SYN2: variants seen among roughly 807,000 people sequenced by gnomAD.
SYN2 encodes synapsin II.
A neutral mutation model predicts 50.9 loss-of-function variants in SYN2; 19 were observed. The observed-to-expected ratio is 0.37, with a 90% CI of 0.26 to 0.55. The LOEUF (loss-of-function observed/expected upper bound fraction) is 0.55, where lower values mean the gene tolerates loss of function less well. Ranked by LOEUF, SYN2 falls within the 20% of genes least tolerant of loss-of-function variation. The probability of loss-of-function intolerance (pLI) is 0.81; values close to 1 mark genes in which losing one functional copy is unlikely to be tolerated. For missense variants in SYN2, 587 were observed against 576.4 expected, an observed-to-expected ratio of 1.02 and a Z score of -0.19; for synonymous variants, 255 against 224.9, an observed-to-expected ratio of 1.13 and a Z score of -1.20.
intron 1 of SYN2, among the ~76,000 whole-genome samples, chr3:12,083,672 A>G (rs918907672): frequency 6.6e-6 from 1 of 152,148 alleles, no homozygotes; most frequent in Admixed American, 6.5e-5. Flanking sequence ...TAAAGAGCCT[A>G]TGTGTGGGCT....
intron 1 of SYN2, among the ~76,000 whole-genome samples, chr3:12,020,318 TC>T (rs993615649): frequency 1.4e-4 from 21 of 150,106 alleles, no homozygotes; most frequent in African/African-American, 5.2e-4. Flanking sequence ...CCTGTCCTCT[TC>T]CCCCCCACCC....
At chr3:12,147,535 G>A (rs900541497) in intron 4 of SYN2, among the ~76,000 whole-genome samples, 1 of 152,138 alleles carries the variant, frequency 6.6e-6, no homozygotes, top group Non-Finnish European at 1.5e-5. Flanking sequence ...CCTTTACCAA[G>A]TGTCTTTTTT....
intron 10 of SYN2, among the ~76,000 whole-genome samples, chr3:12,170,174 G>T (rs766465901): frequency 6.6e-6 from 1 of 152,092 alleles, no homozygotes; most frequent in Non-Finnish European, 1.5e-5. Flanking sequence ...TGAACCTGAA[G>T]TCTCCAGGGA....
At chr3:12,098,168 A>G (rs1373546968) in intron 1 of SYN2, among the ~76,000 whole-genome samples, 1 of 152,222 alleles carries the variant, frequency 6.6e-6, no homozygotes, top group Non-Finnish European at 1.5e-5. Flanking sequence ...AGAGATCTTA[A>G]AAAGATTAAC....
At chr3:12,044,575 C>G (rs1435875876) in intron 1 of SYN2, among the ~76,000 whole-genome samples, 3 of 151,866 alleles carry the variant, frequency 2.0e-5, no homozygotes, top group Admixed American at 6.6e-5. Flanking sequence ...CAATTAGAAC[C>G]CCTGAAAATA....
chr3:12,045,831 T>G (rs1036953797), intron 1 of SYN2, among the ~76,000 whole-genome samples: 1 of 152,164 alleles, frequency 6.6e-6, no homozygotes, highest in Non-Finnish European at 1.5e-5. Context: ...AATTTGAATC[T>G]GGCGGAGTTA....
chr3:12,147,642 C>T (rs2125221654), intron 4 of SYN2, among the ~76,000 whole-genome samples: 1 of 152,128 alleles, frequency 6.6e-6, no homozygotes, highest in East Asian at 1.9e-4. Flanking sequence ...TTGACTCTCT[C>T]CTAGCCACAC....
intron 7 of SYN2, among the ~76,000 whole-genome samples, chr3:12,166,718 T>C (rs1036027069): frequency 1.3e-5 from 2 of 152,134 alleles, no homozygotes; most frequent in African/African-American, 4.8e-5. Flanking sequence ...AAAGAAGATA[T>C]TGGAAGATAT....
At chr3:12,124,569 T>C (rs1195061627) in intron 1 of SYN2, among the ~76,000 whole-genome samples, 1 of 152,142 alleles carries the variant, frequency 6.6e-6, no homozygotes, top group Non-Finnish European at 1.5e-5. Flanking sequence ...ATGTCCATCA[T>C]AACAGATAAA....
chr3:12,185,011 G>T (rs563378852), intron 11 of SYN2: 1 of 985,826 alleles, frequency 1.0e-6, no homozygotes, highest in African/African-American at 1.7e-5. Context: ...ACGTATCCAG[G>T]GGCTTGTGCC....
chr3:12,056,688 A>G (rs1694997648), intron 1 of SYN2, among the ~76,000 whole-genome samples: 1 of 152,134 alleles, frequency 6.6e-6, no homozygotes, highest in African/African-American at 2.4e-5. Flanking sequence ...CCTCATGGTA[A>G]TGAGTAGGGG....
chr3:12,113,357 G>A (rs781634377), intron 1 of SYN2, among the ~76,000 whole-genome samples: 83 of 151,814 alleles, frequency 5.5e-4, no homozygotes, highest in Non-Finnish European at 1.1e-3. Flanking sequence ...ATTATTTAAT[G>A]TAAAAGCCCT....
chr3:12,172,909 A>G (rs1284454348), intron 10 of SYN2, among the ~76,000 whole-genome samples: 6 of 152,234 alleles, frequency 3.9e-5, no homozygotes, highest in Non-Finnish European at 7.3e-5. Flanking sequence ...ATGTTTCTCA[A>G]ATACTTTCAG....
At chr3:12,005,122 A>G (rs1413986828) in intron 1 of SYN2, among the ~76,000 whole-genome samples, 194 bp downstream of exon 1, 1 of 152,112 alleles carries the variant, frequency 6.6e-6, no homozygotes, top group Non-Finnish European at 1.5e-5. Context: ...TCAGCCCGGA[A>G]AGGCGAACCC....
At chr3:12,024,926 CTG>C (rs1036628773) in intron 1 of SYN2, among the ~76,000 whole-genome samples, 5 of 152,350 alleles carry the variant, frequency 3.3e-5, no homozygotes, top group African/African-American at 9.6e-5. Flanking sequence ...CTCACCAAAA[CTG>C]TGTCTTGTCA....
chr3:12,135,405 T>G (rs1226255928), intron 1 of SYN2, among the ~76,000 whole-genome samples: 1 of 152,232 alleles, frequency 6.6e-6, no homozygotes, highest in African/African-American at 2.4e-5. Context: ...AGCTAGAAAC[T>G]AGCACCTTGT....
chr3:12,121,626 G>T (rs1696559676), intron 1 of SYN2, among the ~76,000 whole-genome samples: 1 of 146,546 alleles, frequency 6.8e-6, no homozygotes, highest in Non-Finnish European at 1.5e-5. Context: ...AGGAAAGGAG[G>T]AAAGAAAGAA....
chr3:12,177,890 G>A (rs1426032504), intron 10 of SYN2, among the ~76,000 whole-genome samples: 1 of 152,148 alleles, frequency 6.6e-6, no homozygotes, highest in African/African-American at 2.4e-5. Flanking sequence ...TTATGGGAGG[G>A]CCCCACTCCA....
intron 1 of SYN2, among the ~76,000 whole-genome samples, chr3:12,006,664 CCTCA>C (rs1693807329): frequency 6.6e-6 from 1 of 151,758 alleles, no homozygotes; most frequent in African/African-American, 2.4e-5. Flanking sequence ...TGTTATATTG[CCTCA>C]CTATTATTAT....
Sources: gnomAD v4.1 joint callset for allele counts (sites outside exome capture counted in the v4.1 genomes callset) on GRCh38, gnomAD v4.1.1 for gene constraint, MANE v1.5 for transcripts, NCBI Gene and HGNC (gene_info 2026-07-23, HGNC 2026-07-21) for gene names.